The following PPP2R5C variants were observed in gnomAD, a reference collection of about 807,000 sequenced individuals.
PPP2R5C encodes the protein serine/threonine-protein phosphatase 2A 56 kDa regulatory subunit gamma isoform.
In PPP2R5C, 7 loss-of-function variants were observed where a neutral mutation model predicts 68.9. The ratio of observed to expected loss-of-function variants is 0.10; its 90% CI spans 0.06 to 0.19. The LOEUF is 0.19. Ranked by LOEUF, PPP2R5C falls within the 10% of genes least tolerant of loss-of-function variation. The pLI is 1.00. For missense variants in PPP2R5C, 348 were observed against 641.3 expected, an observed-to-expected ratio of 0.54 and a Z score of 4.94; for synonymous variants, 210 against 222.2, an observed-to-expected ratio of 0.95 and a Z score of 0.49.
At position 101,882,867 on chromosome 14, in the gene PPP2R5C, T is replaced by C. The variant is rs1162841098; in HGVS notation, c.406-390T>C. 2 of 175,660 alleles carry C rather than the reference T, an allele frequency of 1.1e-5. No individual in the cohort carries two copies. The highest frequency in any genetic ancestry group is 2.4e-5 in the African/African-American group (1 of 41,794). 10.9% of individuals were successfully genotyped at this position (175,660 alleles called of 1,614,324 possible). A position where few individuals can be genotyped will look rare whatever the true frequency, so the allele number is the denominator to read the frequency against. On this transcript the variant is annotated intron_variant, in intron 3 of 13. Transcript: ENST00000334743. The surrounding 1 kb of genome is among the most constrained non-coding windows in gnomAD (Gnocchi z 4.9). ...TCTTACCTGGCAGCCCCAGAGTTCC[T>C]GTGTATTTGGTTGGCTCTGCGCCTT... is the stretch of plus-strand genomic sequence containing the variant.
chr14:101,900,556 C>T (rs1223511757), intron 8 of PPP2R5C, among the ~76,000 whole-genome samples: 2 of 152,208 alleles, frequency 1.3e-5, no homozygotes, highest in Non-Finnish European at 2.9e-5. Context: ...CATATATGCA[C>T]TTCATATGCA....
At chr14:101,796,394 G>A (rs1322822853) in intron 3 of PPP2R5C, among the ~76,000 whole-genome samples, 1 of 152,210 alleles carries the variant, frequency 6.6e-6, no homozygotes. Flanking sequence ...ATATCTTAAT[G>A]AGAGGACACA....
chr14:101,823,293 G>A (rs542876115), intron 1 of PPP2R5C, among the ~76,000 whole-genome samples: 17 of 152,266 alleles, frequency 1.1e-4, no homozygotes, highest in East Asian at 7.7e-4. Context: ...TGCAGAACCC[G>A]GGCCGAGCAG....
chr14:101,903,160 G>A (rs988918435), intron 9 of PPP2R5C, among the ~76,000 whole-genome samples: 3 of 151,964 alleles, frequency 2.0e-5, no homozygotes, highest in Non-Finnish European at 4.4e-5. Flanking sequence ...TGAAGTACAG[G>A]GCGTTCGTAT....
intron 1 of PPP2R5C, among the ~76,000 whole-genome samples, chr14:101,855,537 A>T (rs1409653607): frequency 6.6e-6 from 1 of 152,268 alleles, no homozygotes; most frequent in Non-Finnish European, 1.5e-5. Flanking sequence ...CAAGTGGTCT[A>T]CTTTGTACTT....
intron 2 of PPP2R5C, among the ~76,000 whole-genome samples, chr14:101,858,793 A>G (rs1196132740): frequency 2.0e-5 from 3 of 152,194 alleles, no homozygotes; most frequent in African/African-American, 7.2e-5. Context: ...AAGAATCTAC[A>G]AAGAATGACA....
intron 1 of PPP2R5C, among the ~76,000 whole-genome samples, chr14:101,848,395 G>A (rs1183295014): frequency 1.3e-5 from 2 of 152,116 alleles, no homozygotes; most frequent in Non-Finnish European, 2.9e-5. Flanking sequence ...GCCAGGCGTG[G>A]TGGCGAGCAC....
intron 1 of PPP2R5C, among the ~76,000 whole-genome samples, chr14:101,814,994 C>T (rs1284321643): frequency 3.3e-5 from 5 of 152,174 alleles, no homozygotes; most frequent in Non-Finnish European, 7.3e-5. Context: ...TACGAGGTCC[C>T]GAAGCTGCTG....
At chr14:101,912,553 T>TG (rs58436253) in intron 12 of PPP2R5C, 80 bp downstream of exon 14, 165,774 of 1,414,486 alleles carry the variant, frequency 0.12, 11,103 homozygotes, top group African/African-American at 0.33. Flanking sequence ...GTCTTCACCA[T>TG]GGGGGGGGTC....
chr14:101,908,620 C>T (rs1248309984), intron 10 of PPP2R5C, among the ~76,000 whole-genome samples: 4 of 152,130 alleles, frequency 2.6e-5, no homozygotes, highest in South Asian at 2.1e-4. Context: ...GTGACCCACC[C>T]GCCTCAGCCT....
intron 1 of PPP2R5C, among the ~76,000 whole-genome samples, chr14:101,829,252 A>G (rs2140322728): frequency 6.6e-6 from 1 of 152,290 alleles, no homozygotes; most frequent in Admixed American, 6.5e-5. Flanking sequence ...AAAGGAAGAG[A>G]AAAGAAAAAG....
chr14:101,802,123 A>G (rs946139299), intron 3 of PPP2R5C, among the ~76,000 whole-genome samples: 6 of 152,318 alleles, frequency 3.9e-5, no homozygotes, highest in African/African-American at 1.4e-4. Flanking sequence ...AAAAGAATGA[A>G]GCGGGACCTG....
chr14:101,912,516 G>T, intron 12 of PPP2R5C, 43 bp downstream of exon 14: 2 of 1,565,594 alleles, frequency 1.3e-6, no homozygotes, highest in Non-Finnish European at 1.7e-6. Flanking sequence ...AGGGTTACTT[G>T]AATGTTTTTA....
At chr14:101,861,500 C>T (rs958408258) in intron 2 of PPP2R5C, among the ~76,000 whole-genome samples, 2 of 152,220 alleles carry the variant, frequency 1.3e-5, no homozygotes, top group African/African-American at 4.8e-5. Flanking sequence ...TAGCAAGAAG[C>T]ACAGTGATGG....
At position 101,888,442 on chromosome 14, in the gene PPP2R5C, G is replaced by A. The variant is rs1018252691; in HGVS notation, c.630-1795G>A. ...CACCAGTGTCGTTCCTGTCACCCAC[G>A]GCACTGAGCTCTGCCCTGGTAACGT... is the stretch of plus-strand genomic sequence containing the variant. On this transcript the variant is annotated intron_variant, in intron 5 of 13. Transcript: ENST00000334743. The surrounding 1 kb of genome is among the most constrained non-coding windows in gnomAD (Gnocchi z 5.6). Among the ~76,000 whole-genome samples, 1 of 152,020 alleles carries A rather than the reference G, an allele frequency of 6.6e-6. No homozygotes were observed. The highest frequency in any genetic ancestry group is 2.4e-5 in the African/African-American group (1 of 41,384).
chr14:101,767,268 C>T (rs748601463), intron 2 of PPP2R5C, among the ~76,000 whole-genome samples: 19 of 152,168 alleles, frequency 1.2e-4, no homozygotes, highest in Middle Eastern at 6.8e-3. Flanking sequence ...CGCCTCAGGT[C>T]GCATAGGTGC....
At position 101,901,895 on chromosome 14, in the gene PPP2R5C, TGG is replaced by T; in HGVS notation, c.1023+9_1023+10del. On this transcript the variant is annotated splice_region_variant and intron_variant, in intron 9 of 13. Transcript: ENST00000334743. ...TCTCCAGCCCACACTTCCAGGTATG[TGG>T]GGCTTGGGGGACCTGATTAAATTCT... The T allele has an allele frequency of 6.2e-7, 1 of 1,612,436 alleles. No individual in the cohort carries two copies. Among genetic ancestry groups the T allele is most frequent in the East Asian group, 2.2e-5 (1 of 44,830 alleles).
intron 6 of PPP2R5C, among the ~76,000 whole-genome samples, chr14:101,892,072 C>T (rs1268696169): frequency 1.3e-5 from 2 of 152,190 alleles, no homozygotes; most frequent in Admixed American, 1.3e-4. Flanking sequence ...TTCTCTGCCT[C>T]AGCCTCCTGA....
At chr14:101,925,750 G>T (rs531371699) in exon 14 of PPP2R5C, 1 of 153,244 alleles carries the variant, frequency 6.5e-6, no homozygotes, top group South Asian at 2.0e-4. Flanking sequence ...CGTTTTGTTT[G>T]TTTTTCAATC....
Sources: allele counts gnomAD v4.1 joint callset (sites outside exome capture counted in the v4.1 genomes callset), GRCh38; gene constraint gnomAD v4.1.1; non-coding constraint Gnocchi (gnomAD v3.1); transcripts MANE v1.5; gene names NCBI Gene and HGNC (gene_info 2026-07-23, HGNC 2026-07-21).